Variants in CLSTN2 observed in about 807,000 individuals in gnomAD.
CLSTN2 encodes calsyntenin 2, also known as calsyntenin-2.
A neutral mutation model predicts 101.2 loss-of-function variants in CLSTN2; 48 were observed. The observed-to-expected ratio is 0.47, with a 90% CI of 0.38 to 0.60. The LOEUF is 0.60. Ranked by LOEUF, CLSTN2 falls within the 20% of genes least tolerant of loss-of-function variation. The pLI, the probability that CLSTN2 is intolerant of heterozygous loss-of-function variation, is 0.00. For missense variants in CLSTN2, 1,160 were observed against 1,238.2 expected (o/e 0.94, Z 0.95); for synonymous variants, 481 against 463.6 (o/e 1.04, Z -0.48).
intron 2 of CLSTN2, among the ~76,000 whole-genome samples, chr3:140,394,886 C>T (rs1311267172): frequency 1.3e-5 from 2 of 152,126 alleles, no homozygotes; most frequent in Non-Finnish European, 1.5e-5. Context: ...TGAATGAGTA[C>T]AGTAGGTTTT....
At chr3:140,146,776 C>T (rs1243418591) in intron 1 of CLSTN2, among the ~76,000 whole-genome samples, 1 of 152,196 alleles carries the variant, frequency 6.6e-6, no homozygotes, top group Non-Finnish European at 1.5e-5. Context: ...GAACCAGAGA[C>T]TTTAGTCACC....
chr3:140,312,163 G>C (rs1290234929), intron 2 of CLSTN2, among the ~76,000 whole-genome samples: 1 of 152,216 alleles, frequency 6.6e-6, no homozygotes, highest in Non-Finnish European at 1.5e-5. Context: ...TCTTCTCCCA[G>C]TAGCTGTTTC....
At chr3:140,054,979 C>T (rs1424712173) in intron 1 of CLSTN2, among the ~76,000 whole-genome samples, 1 of 152,148 alleles carries the variant, frequency 6.6e-6, no homozygotes, top group Non-Finnish European at 1.5e-5. Flanking sequence ...TGGAATACAC[C>T]TGGGATATGC....
At chr3:140,033,293 G>GC (rs779448072) in intron 1 of CLSTN2, among the ~76,000 whole-genome samples, 4 of 152,022 alleles carry the variant, frequency 2.6e-5, no homozygotes, top group South Asian at 2.1e-4. Flanking sequence ...TAGTTTCTGT[G>GC]CCCCCCCAAA....
intron 1 of CLSTN2, among the ~76,000 whole-genome samples, chr3:140,011,073 C>T (rs1237405257): frequency 1.3e-5 from 2 of 152,166 alleles, no homozygotes; most frequent in African/African-American, 2.4e-5. Context: ...AGAGGATAAA[C>T]AGGTTGCTGG....
chr3:140,557,681 G>C (rs1935826418), intron 11 of CLSTN2, among the ~76,000 whole-genome samples: 2 of 152,144 alleles, frequency 1.3e-5, no homozygotes, highest in African/African-American at 4.8e-5. Flanking sequence ...AATCCACCCA[G>C]ACTACCATTT....
At chr3:140,277,994 G>T (rs555364998) in intron 2 of CLSTN2, among the ~76,000 whole-genome samples, 2 of 152,286 alleles carry the variant, frequency 1.3e-5, no homozygotes, top group African/African-American at 4.8e-5. Context: ...AATTCCGAGA[G>T]ATATTCTCCT....
At chr3:139,969,760 T>C (rs886646851) in intron 1 of CLSTN2, among the ~76,000 whole-genome samples, 1 of 152,192 alleles carries the variant, frequency 6.6e-6, no homozygotes, top group Non-Finnish European at 1.5e-5. Context: ...GCCTCCAGCC[T>C]CCTTTCAAAT....
intron 8 of CLSTN2, among the ~76,000 whole-genome samples, chr3:140,528,264 C>G (rs114611632): frequency 0.011 from 1,650 of 152,260 alleles, 30 homozygotes; most frequent in African/African-American, 0.038. Flanking sequence ...TCACCCGCTT[C>G]TCCCACCTAG....
At chr3:140,325,161 G>A (rs754657936) in intron 2 of CLSTN2, among the ~76,000 whole-genome samples, 1 of 152,194 alleles carries the variant, frequency 6.6e-6, no homozygotes, top group African/African-American at 2.4e-5. Context: ...GCCTCCCAAA[G>A]TGTTGGGATT....
At chr3:140,287,333 T>C (rs564768564) in intron 2 of CLSTN2, among the ~76,000 whole-genome samples, 46 of 152,244 alleles carry the variant, frequency 3.0e-4, no homozygotes, top group African/African-American at 1.1e-3. Flanking sequence ...TGCAAACTTA[T>C]CTCTCAAGAC....
intron 2 of CLSTN2, among the ~76,000 whole-genome samples, chr3:140,245,593 C>T (rs1384057919): frequency 6.6e-6 from 1 of 152,108 alleles, no homozygotes; most frequent in Non-Finnish European, 1.5e-5. Context: ...GGGCAGGGTG[C>T]AGTATGGTCA....
At chr3:140,441,018 G>A (rs191811795) in intron 5 of CLSTN2, among the ~76,000 whole-genome samples, 194 of 152,334 alleles carry the variant, frequency 1.3e-3, no homozygotes, top group Non-Finnish European at 2.2e-3. Flanking sequence ...AAGGTCCAGC[G>A]TCTCTGATTC....
intron 5 of CLSTN2, among the ~76,000 whole-genome samples, chr3:140,439,902 G>A (rs1262112310): frequency 3.9e-5 from 6 of 152,346 alleles, no homozygotes; most frequent in Non-Finnish European, 8.8e-5. Flanking sequence ...ATGTTTATAT[G>A]TCTGGGTGTG....
chr3:140,192,803 AGGG>A (rs2010588146), intron 2 of CLSTN2, among the ~76,000 whole-genome samples: 1 of 151,812 alleles, frequency 6.6e-6, no homozygotes, highest in South Asian at 2.1e-4. Flanking sequence ...TTTATATGGT[AGGG>A]TTTAGATCTG....
At chr3:140,456,180 C>T (rs922135969) in intron 6 of CLSTN2, among the ~76,000 whole-genome samples, 8 of 152,012 alleles carry the variant, frequency 5.3e-5, no homozygotes, top group African/African-American at 1.9e-4. Context: ...AGTCGTTTCC[C>T]CTCTCTGGGC....
intron 4 of CLSTN2, among the ~76,000 whole-genome samples, chr3:140,418,767 C>T (rs2088459636): frequency 6.6e-6 from 1 of 152,120 alleles, no homozygotes; most frequent in African/African-American, 2.4e-5. Context: ...CTGCCCACCT[C>T]AGCCTCCCAA....
intron 8 of CLSTN2, among the ~76,000 whole-genome samples, chr3:140,472,509 G>A (rs1933872223): frequency 6.6e-6 from 1 of 152,194 alleles, no homozygotes; most frequent in African/African-American, 2.4e-5. Flanking sequence ...TCATCTTAAT[G>A]AGCAAAATAA....
chr3:140,260,733 T>C (rs1221296296), intron 2 of CLSTN2, among the ~76,000 whole-genome samples: 1 of 152,202 alleles, frequency 6.6e-6, no homozygotes, highest in East Asian at 1.9e-4. Flanking sequence ...GTTCTTTTTC[T>C]GTTCCAGGGT....
Sources: gnomAD v4.1 joint callset for allele counts (sites outside exome capture counted in the v4.1 genomes callset) on GRCh38, gnomAD v4.1.1 for gene constraint, MANE v1.5 for transcripts, NCBI Gene and HGNC (gene_info 2026-07-23, HGNC 2026-07-21) for gene names.